The following IKBKG variants were observed in gnomAD, a reference collection of about 807,000 sequenced individuals.
IKBKG encodes the protein NF-kappa-B essential modulator.
A neutral mutation model predicts 13.7 loss-of-function variants in IKBKG; 2 were observed. The ratio of observed to expected loss-of-function variants is 0.15; its 90% confidence interval spans 0.06 to 0.46. IKBKG has a LOEUF of 0.46. IKBKG is among the 20% of genes least tolerant of loss of function. The pLI is 0.98. For synonymous variants in IKBKG, 22 were observed against 64.4 expected (o/e 0.34, Z 3.15); for missense variants, 53 against 150.3 (o/e 0.35, Z 3.39).
At chrX:154,547,835 T>G in intron 1 of IKBKG, 90 bp downstream of exon 1, 1 of 754,627 alleles carries the variant, frequency 1.3e-6, no homozygotes, top group Non-Finnish European at 1.6e-6. Flanking sequence ...TCCCCCCTCT[T>G]TTTTGGGCCC....
chrX:154,551,970 G>A lies in IKBKG; in HGVS notation c.-15-18G>A. On this transcript the variant is annotated intron_variant, in intron 1 of 9. Coordinates refer to ENST00000594239, the MANE Select transcript of IKBKG (RefSeq NM_001099857.5). ...GATGTGGGTCTCCTGTGACTCCCCT[G>A]CTGCCTTTCTCTTTCAGCCCTTGCC... 1 of 1,049,012 alleles carries A rather than the reference G, an allele frequency of 9.5e-7. No homozygotes were observed. The highest frequency in any genetic ancestry group is 1.2e-6 in the Non-Finnish European group (1 of 805,607). 86.5% of individuals were successfully genotyped at this position (1,049,012 alleles called of 1,213,427 possible). A position where few individuals can be genotyped will look rare whatever the true frequency, so the allele number is the denominator to read the frequency against.
At chrX:154,546,967 C>T, upstream of IKBKG, 1 of 318,157 alleles carries the variant, frequency 3.1e-6, no homozygotes, top group Admixed American at 7.1e-5. Flanking sequence ...CTCGTGCGGG[C>T]GGGGCGGGGC....
In IKBKG at chrX:154,548,135, C is replaced by A. The variant is rs960401098; in HGVS notation, c.-16+390C>A. On this transcript the variant is annotated intron_variant, in intron 1 of 9. Coordinates refer to ENST00000594239, the MANE Select transcript of IKBKG (RefSeq NM_001099857.5). ...GTTTGCTCGTTTTGCAAGACAACAT[C>A]TGCCTATCGTCATACTGTTTCTGTG... 3.2e-5 allele frequency: 24 copies of A among 742,638 alleles called. No homozygotes were observed. In the African/African-American group the frequency reaches 4.4e-4, roughly 14 times the overall value. The allele number at this position is 742,638 out of a possible 1,213,427, so 61.2% of individuals were successfully genotyped here.
chrX:154,546,784 G>A (rs782344302), upstream of IKBKG: 4 of 1,158,441 alleles, frequency 3.5e-6, no homozygotes, highest in South Asian at 1.9e-5. Flanking sequence ...CGCCCGGCCG[G>A]TTACCTGCGC....
chrX:154,546,222 C>A (rs910155098), upstream of IKBKG: 3 of 1,193,859 alleles, frequency 2.5e-6, no homozygotes, highest in Non-Finnish European at 3.4e-6. Context: ...GAGAAGTTAG[C>A]CCCTTTCTTG....
At chrX:154,543,342 G>A (rs1175934766), upstream of IKBKG, among the ~76,000 whole-genome samples, 1 of 112,630 alleles carries the variant, frequency 8.9e-6, no homozygotes, top group African/African-American at 3.2e-5. Flanking sequence ...GGCGGAGGCA[G>A]TGAAATGACA....
In IKBKG at chrX:154,563,718, G is replaced by A. The variant is rs1557236706; in HGVS notation, c.1055+17G>A. 1 of 930 alleles carries A rather than the reference G, an allele frequency of 1.1e-3. No individual in the cohort carries two copies. Among genetic ancestry groups the A allele is most frequent in the Non-Finnish European group, 1.7e-3 (1 of 573 alleles). 0.1% of individuals were successfully genotyped at this position (930 alleles called of 1,213,427 possible). A position where few individuals can be genotyped will look rare whatever the true frequency, so the allele number is the denominator to read the frequency against. ...GTCGGCCAGGTGGGCCTCTGAGAGCGTGCCCGTGTGAGCAGTGGGTGCGAC... is the reference window on the plus strand; with the variant it reads ...GTCGGCCAGGTGGGCCTCTGAGAGCATGCCCGTGTGAGCAGTGGGTGCGAC... On this transcript the variant is annotated intron_variant, in intron 8 of 9. Transcript: ENST00000594239.
chrX:154,548,994 C>CTTT (rs1329510045), intron 1 of IKBKG, among the ~76,000 whole-genome samples: 1 of 94,050 alleles, frequency 1.1e-5, no homozygotes. Flanking sequence ...TTCTTTCTTT[C>CTTT]TTTTTTTTTT....
upstream of IKBKG, chrX:154,545,991 C>T: frequency 8.3e-7 from 1 of 1,205,008 alleles, no homozygotes; most frequent in South Asian, 1.8e-5. Flanking sequence ...AGGCATGGAG[C>T]AGGCACTTCC....
At chrX:154,545,904 C>T (rs1318954480), upstream of IKBKG, 2 of 784,701 alleles carry the variant, frequency 2.5e-6, no homozygotes, top group South Asian at 2.1e-5. Context: ...ATGATCCTGG[C>T]GCACTAGCAG....
upstream of IKBKG, chrX:154,547,570 T>C (rs111827785): frequency 0.029 from 22,142 of 753,572 alleles, 3,613 homozygotes; most frequent in African/African-American, 0.47. Context: ...TCCCGAGTTC[T>C]CGGGGGCGGG....
chrX:154,550,234 T>G (rs1310286280), intron 1 of IKBKG, among the ~76,000 whole-genome samples: 4 of 99,518 alleles, frequency 4.0e-5, no homozygotes, highest in Non-Finnish European at 8.1e-5. Context: ...AGATGTGCTC[T>G]TGTGTGTGTG....
At chrX:154,546,809 C>T, upstream of IKBKG, 1 of 1,163,173 alleles carries the variant, frequency 8.6e-7, no homozygotes, top group Non-Finnish European at 1.1e-6. Context: ...TCGTCGTCGC[C>T]CTCCGCGCTC....
chrX:154,558,762 C>T (rs2071081643), intron 4 of IKBKG, 112 bp downstream of exon 4: 5 of 128,385 alleles, frequency 3.9e-5, no homozygotes, highest in South Asian at 1.1e-4. Flanking sequence ...GGGCAGGCTG[C>T]GTAAAGACGT....
intron 2 of IKBKG, among the ~76,000 whole-genome samples, chrX:154,555,328 G>A (rs183678172): frequency 1.3e-3 from 142 of 111,795 alleles, no homozygotes; most frequent in African/African-American, 4.3e-3. Flanking sequence ...AGAGATGTAG[G>A]CCAGGGAGGA....
chrX:154,552,846 A>G (rs984641735), intron 2 of IKBKG, among the ~76,000 whole-genome samples: 16 of 111,889 alleles, frequency 1.4e-4, no homozygotes, highest in East Asian at 2.8e-4. Flanking sequence ...CCAGGTCGTC[A>G]TGGGTTCAGG....
chrX:154,547,002 G>A (rs1430296792), upstream of IKBKG: 1 of 227,624 alleles, frequency 4.4e-6, no homozygotes, highest in Non-Finnish European at 7.5e-6. Context: ...GCGCATCCCA[G>A]GCCAGCCCCT....
chrX:154,552,726 C>T (rs1373200226), intron 2 of IKBKG, among the ~76,000 whole-genome samples: 2 of 111,541 alleles, frequency 1.8e-5, no homozygotes, highest in African/African-American at 3.3e-5. Flanking sequence ...GCAATCCCGG[C>T]GCACACCTCA....
chrX:154,546,756 C>G, upstream of IKBKG: 4 of 1,115,107 alleles, frequency 3.6e-6, no homozygotes, highest in Non-Finnish European at 4.8e-6. Flanking sequence ...CAGTACGCTC[C>G]TCCGCCTGCG....
Sources: allele counts gnomAD v4.1 joint callset (sites outside exome capture counted in the v4.1 genomes callset), GRCh38; gene constraint gnomAD v4.1.1; transcripts MANE v1.5; gene names NCBI Gene and HGNC (gene_info 2026-07-23, HGNC 2026-07-21).